The following ATXN1 variants were observed in gnomAD, a reference collection of about 807,000 sequenced individuals.
The protein encoded by ATXN1 is ataxin-1.
ATXN1 carries 8 observed loss-of-function variants against 56.4 expected under a neutral mutation model. The ratio of observed to expected loss-of-function variants is 0.14; its 90% confidence interval spans 0.08 to 0.26. ATXN1 has a LOEUF of 0.26. ATXN1 is among the 10% of genes least tolerant of loss of function. The probability of loss-of-function intolerance (pLI) is 1.00; values close to 1 mark genes in which losing one functional copy is unlikely to be tolerated. For synonymous variants in ATXN1, 514 were observed against 494.6 expected (o/e 1.04, Z -0.52); for missense variants, 987 against 1,106.5 (o/e 0.89, Z 1.53).
At chr6:16,451,611 C>T (rs920757224) in intron 6 of ATXN1, among the ~76,000 whole-genome samples, 1 of 151,818 alleles carries the variant, frequency 6.6e-6, no homozygotes, top group Admixed American at 6.6e-5. Flanking sequence ...TAAAATTAGC[C>T]GGGCGTGGTG....
intron 6 of ATXN1, among the ~76,000 whole-genome samples, chr6:16,374,111 T>C (rs1762099561): frequency 6.9e-6 from 1 of 145,840 alleles, no homozygotes; most frequent in East Asian, 2.1e-4. Flanking sequence ...ATACCTCGAA[T>C]TATACCAGAA....
At chr6:16,430,562 T>A (rs1197757204) in intron 6 of ATXN1, among the ~76,000 whole-genome samples, 1 of 152,218 alleles carries the variant, frequency 6.6e-6, no homozygotes, top group African/African-American at 2.4e-5. Flanking sequence ...TGTTCCATGA[T>A]TTTTTGCATA....
At chr6:16,671,556 T>C (rs1196468573) in intron 2 of ATXN1, among the ~76,000 whole-genome samples, 2 of 152,284 alleles carry the variant, frequency 1.3e-5, no homozygotes, top group East Asian at 3.9e-4. Flanking sequence ...AGTTCATAAA[T>C]GTTATCTCTA....
chr6:16,347,691 A>G lies in ATXN1; in HGVS notation c.-160-19221T>C, dbSNP rs547608750. ...AGCTAATCTAGTGGGGCCCTGGAGAACCTTTGTGTCTAGCTCAGGGATTGT... is the reference window on the plus strand; with the variant it reads ...AGCTAATCTAGTGGGGCCCTGGAGAGCCTTTGTGTCTAGCTCAGGGATTGT... On this transcript the variant is annotated intron_variant, in intron 6 of 7. Transcript: ENST00000436367. Among the ~76,000 whole-genome samples, 10 of 152,086 alleles carry G rather than the reference A, an allele frequency of 6.6e-5. No individual in the cohort carries two copies. In the South Asian group the frequency reaches 1.5e-3, roughly 22 times the overall value.
chr6:16,683,894 T>A (rs2113405165), intron 2 of ATXN1, among the ~76,000 whole-genome samples: 1 of 152,324 alleles, frequency 6.6e-6, no homozygotes, highest in East Asian at 1.9e-4. Context: ...AGGTCACACA[T>A]CTGGTGCCAA....
intron 7 of ATXN1, among the ~76,000 whole-genome samples, chr6:16,308,703 T>C (rs1299576366): frequency 6.6e-6 from 1 of 152,180 alleles, no homozygotes; most frequent in Middle Eastern, 3.2e-3. Flanking sequence ...CTTGAATTAC[T>C]TTCACAATTT....
At chr6:16,592,404 C>G (rs1254413393) in intron 3 of ATXN1, among the ~76,000 whole-genome samples, 6 of 152,192 alleles carry the variant, frequency 3.9e-5, no homozygotes, top group Admixed American at 2.0e-4. Flanking sequence ...ACGCATATGC[C>G]GGACTCCTGC....
chr6:16,653,207 C>G (rs1461858321), intron 3 of ATXN1, among the ~76,000 whole-genome samples: 1 of 152,168 alleles, frequency 6.6e-6, no homozygotes, highest in African/African-American at 2.4e-5. Context: ...CCAGAAGCAG[C>G]AACGCCCTGC....
chr6:16,688,384 T>C (rs17606216), intron 2 of ATXN1, among the ~76,000 whole-genome samples: 15,294 of 152,152 alleles, frequency 0.1, 837 homozygotes, highest in Middle Eastern at 0.14. Flanking sequence ...AAAATGGAAG[T>C]AGGGTTCTAA....
intron 2 of ATXN1, among the ~76,000 whole-genome samples, chr6:16,712,715 C>CTTT (rs36016138): frequency 6.9e-5 from 10 of 145,378 alleles, no homozygotes; most frequent in African/African-American, 1.5e-4. Context: ...TCCGTTTTTG[C>CTTT]TTTTTTTTTT....
At chr6:16,408,669 C>T (rs113812627) in intron 6 of ATXN1, among the ~76,000 whole-genome samples, 3 of 152,106 alleles carry the variant, frequency 2.0e-5, no homozygotes, top group African/African-American at 4.8e-5. Flanking sequence ...AATTGAAAAA[C>T]ATTTGACATT....
At chr6:16,498,441 T>A (rs966847177) in intron 5 of ATXN1, among the ~76,000 whole-genome samples, 1 of 152,244 alleles carries the variant, frequency 6.6e-6, no homozygotes, top group African/African-American at 2.4e-5. Flanking sequence ...ATCATGCTGC[T>A]ATGAACATTC....
At chr6:16,482,866 T>C (rs117777068) in intron 6 of ATXN1, among the ~76,000 whole-genome samples, 15 of 152,302 alleles carry the variant, frequency 9.8e-5, no homozygotes, top group African/African-American at 2.9e-4. Flanking sequence ...TGCCAAATCA[T>C]TGATTTTTAG....
chr6:16,626,886 C>A (rs1349269148), intron 3 of ATXN1, among the ~76,000 whole-genome samples: 4 of 152,174 alleles, frequency 2.6e-5, no homozygotes, highest in Non-Finnish European at 4.4e-5. Flanking sequence ...TGGCCATCTG[C>A]AAGCCAAGGA....
intron 6 of ATXN1, among the ~76,000 whole-genome samples, chr6:16,347,857 T>TG (rs1215161044): frequency 6.6e-6 from 1 of 152,086 alleles, no homozygotes; most frequent in Non-Finnish European, 1.5e-5. Context: ...TCCGATCCCT[T>TG]TCCACACTGT....
At chr6:16,676,898 G>C (rs1758673429) in intron 2 of ATXN1, among the ~76,000 whole-genome samples, 1 of 151,966 alleles carries the variant, frequency 6.6e-6, no homozygotes, top group South Asian at 2.1e-4. Flanking sequence ...TCACAAGATT[G>C]GGGATATCAT....
At chr6:16,376,923 G>C (rs987190514) in intron 6 of ATXN1, among the ~76,000 whole-genome samples, 1 of 152,212 alleles carries the variant, frequency 6.6e-6, no homozygotes, top group African/African-American at 2.4e-5. Context: ...ATTCTTGAAA[G>C]GTAAGGAGTA....
At chr6:16,744,488 T>A (rs889303776) in intron 2 of ATXN1, among the ~76,000 whole-genome samples, 2 of 151,986 alleles carry the variant, frequency 1.3e-5, no homozygotes, top group Non-Finnish European at 1.5e-5. Context: ...GCCAGACATG[T>A]TTCTACCCAC....
At chr6:16,399,977 A>G (rs1758535132) in intron 6 of ATXN1, among the ~76,000 whole-genome samples, 1 of 152,144 alleles carries the variant, frequency 6.6e-6, no homozygotes, top group African/African-American at 2.4e-5. Flanking sequence ...CGCTAGCCTC[A>G]CCATGGCCCA....
Sources: gnomAD v4.1 joint callset for allele counts (sites outside exome capture counted in the v4.1 genomes callset) on GRCh38, gnomAD v4.1.1 for gene constraint, MANE v1.5 for transcripts, NCBI Gene and HGNC (gene_info 2026-07-23, HGNC 2026-07-21) for gene names.